Variants in ANKS1A observed in about 807,000 individuals in gnomAD.
ANKS1A encodes the protein ankyrin repeat and sterile alpha motif domain containing 1A.
Under a neutral mutation model 120.3 loss-of-function variants are expected in ANKS1A, and 55 were observed. The observed-to-expected ratio is 0.46, with a 90% CI of 0.37 to 0.57. The LOEUF (loss-of-function observed/expected upper bound fraction) is 0.57. Among genes scored for constraint, ANKS1A ranks in the 20% least tolerant of loss-of-function variants. The pLI is 0.00. For synonymous variants in ANKS1A, 590 were observed against 604.7 expected (o/e 0.98, Z 0.36); for missense variants, 1,123 against 1,480.3 (o/e 0.76, Z 3.96).
chr6:34,956,365 T>G lies in ANKS1A; in HGVS notation c.198-10874T>G, dbSNP rs550029135. 3.3e-5 allele frequency among the ~76,000 whole-genome samples: 5 copies of G among 152,146 alleles called. No homozygotes were observed. In the East Asian group the frequency reaches 7.7e-4, roughly 23 times the overall value. On this transcript the variant is annotated intron_variant, in intron 1 of 23. Coordinates refer to ENST00000360359, the MANE Select transcript of ANKS1A (RefSeq NM_015245.3). ...TTTTTCTGTTTTTTTGGGTTTTTTT[T>G]GTGTGTGCTCTGTCTTTTCATGTTA...
chr6:35,082,659 G>A lies in ANKS1A; in HGVS notation c.2710-32G>A. ...AAGCCCATGTGCTCCTCTGGAGCAA[G>A]GAGCAGGTGTCCAATTGCGTGTGTT... On this transcript the variant is annotated intron_variant, in intron 17 of 23. Transcript: ENST00000360359. This position sits in a 1 kb window ranked among gnomAD's most constrained non-coding sequence, Gnocchi z 4.1. 1 of 1,587,224 alleles carries A rather than the reference G, an allele frequency of 6.3e-7. No individual in the cohort carries two copies. Among genetic ancestry groups the A allele is most frequent in the Admixed American group, 1.8e-5 (1 of 56,660 alleles).
In ANKS1A at chr6:35,085,332, C is replaced by T. The variant is rs1250766077; in HGVS notation, c.3133-434C>T. Among the ~76,000 whole-genome samples the T allele has an allele frequency of 6.6e-6, 1 of 152,178 alleles. No homozygotes were observed. Among genetic ancestry groups the T allele is most frequent in the Non-Finnish European group, 1.5e-5 (1 of 68,030 alleles). On this transcript the variant is annotated intron_variant, in intron 21 of 23. Coordinates refer to ENST00000360359, the MANE Select transcript of ANKS1A (RefSeq NM_015245.3). The surrounding 1 kb of genome is among the most constrained non-coding windows in gnomAD (Gnocchi z 4.7). ...ACGCCACACATACGCTCCTAACAATCACTGTGCTGTGTAAAATCACACAAG... is the reference window on the plus strand; with the variant it reads ...ACGCCACACATACGCTCCTAACAATTACTGTGCTGTGTAAAATCACACAAG...
At chr6:35,074,409 G>C (rs1048075852) in intron 13 of ANKS1A, among the ~76,000 whole-genome samples, 2 of 151,888 alleles carry the variant, frequency 1.3e-5, no homozygotes, top group Non-Finnish European at 2.9e-5. Flanking sequence ...AGACCAGCTT[G>C]GGCAACATAG....
chr6:34,910,969 T>G (rs915118923), intron 1 of ANKS1A, among the ~76,000 whole-genome samples: 6 of 152,186 alleles, frequency 3.9e-5, no homozygotes, highest in Non-Finnish European at 8.8e-5. Flanking sequence ...GGACTGGAGT[T>G]TTGTAAGGGA....
chr6:35,008,081 C>G (rs1455966883), intron 10 of ANKS1A, among the ~76,000 whole-genome samples: 1 of 152,196 alleles, frequency 6.6e-6, no homozygotes, highest in Admixed American at 6.5e-5. Flanking sequence ...GATCTATCAT[C>G]TTTACCAAGA....
At chr6:35,000,095 C>T (rs574291172) in intron 10 of ANKS1A, among the ~76,000 whole-genome samples, 2 of 152,234 alleles carry the variant, frequency 1.3e-5, no homozygotes, top group South Asian at 4.1e-4. Flanking sequence ...CTTCGTAACC[C>T]TGTAACACTC....
At chr6:35,075,119 G>C (rs927609972) in intron 13 of ANKS1A, among the ~76,000 whole-genome samples, 34 of 152,202 alleles carry the variant, frequency 2.2e-4, no homozygotes, top group Non-Finnish European at 3.2e-4. Context: ...GCAAAAATAA[G>C]GTTGGATCTT....
intron 11 of ANKS1A, chr6:35,023,785 C>A: frequency 7.1e-6 from 2 of 283,020 alleles, no homozygotes. Flanking sequence ...AGGATTATTT[C>A]TTATTTAGAG....
intron 1 of ANKS1A, among the ~76,000 whole-genome samples, chr6:34,966,811 T>C (rs187660156): frequency 7.6e-4 from 116 of 152,340 alleles, no homozygotes; most frequent in African/African-American, 2.6e-3. Context: ...TGCTTTTTTG[T>C]CCTTGATCCT....
chr6:34,931,592 A>G (rs961520642), intron 1 of ANKS1A, among the ~76,000 whole-genome samples: 1 of 152,188 alleles, frequency 6.6e-6, no homozygotes, highest in African/African-American at 2.4e-5. Context: ...TCATGGAGCC[A>G]CAATCTTAGG....
intron 11 of ANKS1A, among the ~76,000 whole-genome samples, chr6:35,040,125 T>C (rs1344625335): frequency 6.6e-6 from 1 of 152,222 alleles, no homozygotes; most frequent in Non-Finnish European, 1.5e-5. Flanking sequence ...ACTCAGGCCA[T>C]AGAAGGTATC....
chr6:35,000,713 T>A (rs957320346), intron 10 of ANKS1A, among the ~76,000 whole-genome samples: 1 of 152,126 alleles, frequency 6.6e-6, no homozygotes, highest in Admixed American at 6.5e-5. Context: ...TAAAGCCTCC[T>A]GAGTACTATT....
At position 35,015,844 on chromosome 6, in the gene ANKS1A, G is replaced by C. The variant is rs552069867; in HGVS notation, c.1424-1629G>C. On this transcript the variant is annotated intron_variant, in intron 10 of 23. Transcript: ENST00000360359. ...TGGAGACTGTGTTTTAGTACATTGTGTTTATAAAGCACTGCTCATTTTGCA... is the reference window on the plus strand; with the variant it reads ...TGGAGACTGTGTTTTAGTACATTGTCTTTATAAAGCACTGCTCATTTTGCA... Among the ~76,000 whole-genome samples, 3 of 152,348 alleles carry C rather than the reference G, an allele frequency of 2.0e-5. No individual in the cohort carries two copies. The East Asian group carries it at 5.8e-4, about 29-fold the overall frequency.
Position 35,086,454 on chromosome 6 carries a change from CTG to C in ANKS1A, c.3304-493_3304-492del, listed in dbSNP as rs923559854. 3.4e-5 allele frequency: 31 copies of C among 919,054 alleles called. No individual in the cohort carries two copies. In the African/African-American group the frequency reaches 4.1e-4, roughly 12 times the overall value. 56.9% of individuals were successfully genotyped at this position (919,054 alleles called of 1,614,324 possible). A position where few individuals can be genotyped will look rare whatever the true frequency, so the allele number is the denominator to read the frequency against. On this transcript the variant is annotated intron_variant, in intron 22 of 23. Coordinates refer to ENST00000360359, the MANE Select transcript of ANKS1A (RefSeq NM_015245.3). This position sits in a 1 kb window ranked among gnomAD's most constrained non-coding sequence, Gnocchi z 5.1. Reference sequence around the variant, plus strand: ...AGCCTCTGGCGGCCTCTCCCTCTGCCTGTGTGACATTCTTTCCCCTCTTCCTG... The same window carrying C: ...AGCCTCTGGCGGCCTCTCCCTCTGCCTGTGACATTCTTTCCCCTCTTCCTG...
intron 1 of ANKS1A, among the ~76,000 whole-genome samples, chr6:34,916,780 G>A (rs778160900): frequency 6.6e-6 from 1 of 152,034 alleles, no homozygotes; most frequent in Non-Finnish European, 1.5e-5. Context: ...AAAAATAAAG[G>A]CAAAAAATAA....
intron 10 of ANKS1A, among the ~76,000 whole-genome samples, chr6:35,002,932 C>T (rs1017158117): frequency 2.7e-5 from 4 of 149,800 alleles, no homozygotes; most frequent in Admixed American, 6.7e-5. Context: ...AGTTGCAGAC[C>T]GTTTAAGCCC....
At chr6:34,945,501 A>G (rs1490939349) in intron 1 of ANKS1A, among the ~76,000 whole-genome samples, 1 of 152,162 alleles carries the variant, frequency 6.6e-6, no homozygotes, top group African/African-American at 2.4e-5. Flanking sequence ...TCTCCACTGA[A>G]TTGGCCTTTG....
At chr6:35,049,789 C>T (rs1488976154) in intron 11 of ANKS1A, among the ~76,000 whole-genome samples, 1 of 152,214 alleles carries the variant, frequency 6.6e-6, no homozygotes, top group Non-Finnish European at 1.5e-5. Flanking sequence ...ATTGACCAGA[C>T]TGATTCCTGC....
intron 1 of ANKS1A, among the ~76,000 whole-genome samples, chr6:34,901,506 G>T (rs1375685836): frequency 3.3e-5 from 5 of 151,740 alleles, no homozygotes; most frequent in African/African-American, 7.3e-5. Flanking sequence ...CTGAGGTGGG[G>T]TTTTTTTTGT....
Sources: allele counts gnomAD v4.1 joint callset (sites outside exome capture counted in the v4.1 genomes callset), GRCh38; gene constraint gnomAD v4.1.1; non-coding constraint Gnocchi (gnomAD v3.1); transcripts MANE v1.5; gene names NCBI Gene and HGNC (gene_info 2026-07-23, HGNC 2026-07-21).